The following ENO4 variants were observed in gnomAD, a reference collection of about 807,000 sequenced individuals.
ENO4 encodes the protein 2-phospho-D-glycerate hydro-lyase.
ENO4 carries 53 observed loss-of-function variants against 63.2 expected under a neutral mutation model. That is an observed-to-expected ratio of 0.84 (90% CI 0.67 to 1.05). The LOEUF is 1.05. Ranked by LOEUF, ENO4 falls within the 50% of genes least tolerant of loss-of-function variation. The pLI, the probability that ENO4 is intolerant of heterozygous loss-of-function variation, is 0.00. For synonymous variants in ENO4, 266 were observed against 283.8 expected, an observed-to-expected ratio of 0.94 and a Z score of 0.63; for missense variants, 719 against 772.0, an observed-to-expected ratio of 0.93 and a Z score of 0.81.
Position 116,856,591 on chromosome 10 carries a change from A to G in ENO4, c.394A>G (p.Ser132Gly). Residue 132 changes from serine to glycine, a missense_variant, in exon 3 of 14, where the codon AGC becomes GGC. By Grantham distance (56) the Ser-to-Gly change is moderately conservative. This residue lies in a region of ENO4 where 544 missense variants were observed against 583.6 expected (regional missense o/e 0.93). Coordinates refer to ENST00000341276, the MANE Select transcript of ENO4 (RefSeq NM_001242699.2). Reference protein sequence around the residue: ...AEEAERASAVSTAVQWVNSTI... With the variant: ...AEEAERASAVGTAVQWVNSTI... ...GGAGGCAGAGAGGGCCAGCGCGGTGAGCACCGCCGTGCAGTGGGTCAACAG... is the reference window on the plus strand; with the variant it reads ...GGAGGCAGAGAGGGCCAGCGCGGTGGGCACCGCCGTGCAGTGGGTCAACAG... 7 of 1,536,186 alleles carry G rather than the reference A, an allele frequency of 4.6e-6. No individual in the cohort carries two copies. The highest frequency in any genetic ancestry group is 6.1e-6 in the Non-Finnish European group (7 of 1,146,926).
At chr10:116,850,293 G>A (rs1846038480) in intron 1 of ENO4, 1 of 166,714 alleles carries the variant, frequency 6.0e-6, no homozygotes, top group Non-Finnish European at 1.3e-5. Flanking sequence ...ACGTAGCCCT[G>A]GACCAACCGT....
intron 8 of ENO4, 84 bp from the exon 9 acceptor site, chr10:116,871,041 G>A: frequency 8.2e-7 from 1 of 1,221,428 alleles, no homozygotes; most frequent in Non-Finnish European, 1.2e-6. Flanking sequence ...AGCTATATCT[G>A]ATCATAAACC....
chr10:116,892,341 C>T (rs188132062), intron 10 of ENO4, among the ~76,000 whole-genome samples: 1 of 152,284 alleles, frequency 6.6e-6, no homozygotes, highest in Admixed American at 6.5e-5. Context: ...ACTGACAATG[C>T]GTGAACTACG....
chr10:116,858,353 C>G (rs1846325694), intron 3 of ENO4, among the ~76,000 whole-genome samples: 1 of 152,182 alleles, frequency 6.6e-6, no homozygotes, highest in African/African-American at 2.4e-5. Context: ...ATAGAATTCT[C>G]TGTTGAAATC....
chr10:116,849,931 A>C, intron 1 of ENO4, 200 bp downstream of exon 1: 2 of 729,484 alleles, frequency 2.7e-6, no homozygotes, highest in Non-Finnish European at 4.8e-6. Context: ...CCCCAGAGAA[A>C]GTGGCAGAAA....
intron 11 of ENO4, among the ~76,000 whole-genome samples, chr10:116,878,139 TGG>T (rs1846888656): frequency 6.6e-6 from 1 of 152,234 alleles, no homozygotes; most frequent in Admixed American, 6.5e-5. Flanking sequence ...ACCTAATGAC[TGG>T]GGTTTCCCAC....
intron 3 of ENO4, among the ~76,000 whole-genome samples, chr10:116,857,416 C>T (rs1262345299): frequency 6.6e-6 from 1 of 152,138 alleles, no homozygotes; most frequent in Non-Finnish European, 1.5e-5. Flanking sequence ...TAGGTTGACT[C>T]AAACACGCTA....
intron 10 of ENO4, among the ~76,000 whole-genome samples, chr10:116,897,123 A>G (rs1393405446): frequency 6.6e-6 from 1 of 152,114 alleles, no homozygotes; most frequent in Non-Finnish European, 1.5e-5. Context: ...GCCTGTGATC[A>G]GGTACTTCTA....
At position 116,881,666 on chromosome 10, in the gene ENO4, ATAGGGCTG is replaced by A; in HGVS notation, c.1878_*7del. On this transcript the variant is annotated stop_lost and 3_prime_UTR_variant, in exon 14 of 14. Transcript: ENST00000341276. ...CAGCCGAAACAGGAGCATCCTCTGGATAGGGCTGTACACACCCCAGGTTCCAGCCACAC... is the reference window on the plus strand; with the variant it reads ...CAGCCGAAACAGGAGCATCCTCTGGATACACACCCCAGGTTCCAGCCACAC... 1 of 1,542,332 alleles carries A rather than the reference ATAGGGCTG, an allele frequency of 6.5e-7. No homozygotes were observed.
intron 10 of ENO4, among the ~76,000 whole-genome samples, chr10:116,888,016 T>G (rs1847218876): frequency 6.6e-6 from 1 of 152,194 alleles, no homozygotes; most frequent in African/African-American, 2.4e-5. Context: ...GTAAGATCTG[T>G]CCAAATGTTT....
chr10:116,899,349 G>C (rs374711600), intron 10 of ENO4, among the ~76,000 whole-genome samples: 1 of 152,142 alleles, frequency 6.6e-6, no homozygotes, highest in South Asian at 2.1e-4. Context: ...GCCTCATAGA[G>C]AAGATAACAT....
At chr10:116,849,982 C>G (rs979444651) in intron 1 of ENO4, 3 of 671,864 alleles carry the variant, frequency 4.5e-6, no homozygotes, top group African/African-American at 3.6e-5. Flanking sequence ...CGTATTTGAC[C>G]TGCAGCGGCA....
chr10:116,854,217 C>T (rs1236248041), intron 1 of ENO4, among the ~76,000 whole-genome samples: 5 of 152,086 alleles, frequency 3.3e-5, no homozygotes, highest in Admixed American at 6.6e-5. Context: ...ACAGCCGTCA[C>T]GTAAGTCTTC....
chr10:116,879,359 G>A lies in ENO4; in HGVS notation c.1605+1G>A. On this transcript the variant is annotated splice_donor_variant, in intron 12 of 13. Transcript: ENST00000341276. LOFTEE classifies it high-confidence loss of function. ...ATCTGATGACAGCCTTGTCGATTTGGTAAGTGCTGAATGCTGGTCAACTGC... is the reference window on the plus strand; with the variant it reads ...ATCTGATGACAGCCTTGTCGATTTGATAAGTGCTGAATGCTGGTCAACTGC... 2 of 1,548,576 alleles carry A rather than the reference G, an allele frequency of 1.3e-6. No homozygotes were observed. The highest frequency in any genetic ancestry group is 1.7e-6 in the Non-Finnish European group (2 of 1,145,410).
intron 1 of ENO4, among the ~76,000 whole-genome samples, chr10:116,850,745 G>A (rs1362137938): frequency 1.3e-5 from 2 of 152,158 alleles, no homozygotes; most frequent in Non-Finnish European, 2.9e-5. Context: ...TGAGCCCCTT[G>A]TGCTGCGTAC....
At chr10:116,885,994 C>G, downstream of ENO4, 1 of 232,382 alleles carries the variant, frequency 4.3e-6, no homozygotes, top group Non-Finnish European at 8.4e-6. Flanking sequence ...ATACAAGCAC[C>G]TCAAACTTTC....
At chr10:116,853,151 T>C (rs1846136682) in intron 1 of ENO4, among the ~76,000 whole-genome samples, 1 of 151,826 alleles carries the variant, frequency 6.6e-6, no homozygotes, top group African/African-American at 2.4e-5. Context: ...AAAAATTAGC[T>C]GGGAGTGGTG....
intron 10 of ENO4, among the ~76,000 whole-genome samples, chr10:116,910,348 G>C (rs754020971): frequency 1.3e-5 from 2 of 152,130 alleles, no homozygotes; most frequent in Non-Finnish European, 2.9e-5. Context: ...TAGATCCAAG[G>C]CAAGAAGGAT....
chr10:116,907,786 T>C (rs1848031536), intron 10 of ENO4: 1 of 466,324 alleles, frequency 2.1e-6, no homozygotes, highest in Non-Finnish European at 4.3e-6. Flanking sequence ...AAGTCTGGTA[T>C]AACTTGCCAG....
Sources: allele counts gnomAD v4.1 joint callset (sites outside exome capture counted in the v4.1 genomes callset), GRCh38; gene constraint gnomAD v4.1.1; regional missense constraint gnomAD v4.1.1; transcripts MANE v1.5; gene names NCBI Gene and HGNC (gene_info 2026-07-23, HGNC 2026-07-21).